The following ATRNL1 variants were observed in gnomAD, a reference collection of about 807,000 sequenced individuals.
ATRNL1 encodes attractin like 1.
ATRNL1 carries 95 observed loss-of-function variants against 182.7 expected under a neutral mutation model. That is an observed-to-expected ratio of 0.52 (90% CI 0.44 to 0.62). ATRNL1 has a LOEUF of 0.62. Among genes scored for constraint, ATRNL1 ranks in the 20% least tolerant of loss-of-function variants. ATRNL1 has a pLI of 0.00. For synonymous variants in ATRNL1, 576 were observed against 568.3 expected (o/e 1.01, Z -0.19); for missense variants, 1,471 against 1,679.5 (o/e 0.88, Z 2.17).
intron 5 of ATRNL1, among the ~76,000 whole-genome samples, chr10:115,132,316 A>AT (rs1845285233): frequency 1.3e-5 from 2 of 152,084 alleles, no homozygotes; most frequent in Non-Finnish European, 2.9e-5. Context: ...ACATTTTCTT[A>AT]ATCCAGTCTA....
At chr10:115,613,167 T>C (rs1857252968) in intron 26 of ATRNL1, among the ~76,000 whole-genome samples, 1 of 152,236 alleles carries the variant, frequency 6.6e-6, no homozygotes, top group Non-Finnish European at 1.5e-5. Flanking sequence ...GTGTTGGCTA[T>C]CATTTTAACA....
intron 27 of ATRNL1, among the ~76,000 whole-genome samples, chr10:115,802,056 A>C (rs1949810282): frequency 6.7e-6 from 1 of 149,728 alleles, no homozygotes; most frequent in African/African-American, 2.5e-5. Context: ...AAAACAAAAA[A>C]AAACAGAATT....
At chr10:115,147,459 C>T (rs1163522192) in intron 5 of ATRNL1, among the ~76,000 whole-genome samples, 3 of 152,086 alleles carry the variant, frequency 2.0e-5, no homozygotes, top group African/African-American at 7.2e-5. Flanking sequence ...TGTGCAGAAG[C>T]TTTTTAGTTG....
intron 1 of ATRNL1, among the ~76,000 whole-genome samples, chr10:115,106,672 G>A (rs978621507): frequency 2.0e-5 from 3 of 152,124 alleles, no homozygotes; most frequent in Non-Finnish European, 4.4e-5. Context: ...GGGTTTATCA[G>A]GTGTTTCTGC....
chr10:115,869,199 G>A (rs4430419), intron 28 of ATRNL1, among the ~76,000 whole-genome samples: 29,859 of 152,062 alleles, frequency 0.2, 2,922 homozygotes, highest in South Asian at 0.28. Flanking sequence ...CACACAACGT[G>A]TTTCACAACC....
intron 25 of ATRNL1, among the ~76,000 whole-genome samples, chr10:115,526,518 A>G (rs1159978264): frequency 1.3e-5 from 2 of 152,096 alleles, no homozygotes; most frequent in Non-Finnish European, 2.9e-5. Context: ...ACCTTCAAGT[A>G]TTTTCTCTAT....
intron 27 of ATRNL1, among the ~76,000 whole-genome samples, chr10:115,815,343 T>C (rs1478917752): frequency 6.6e-6 from 1 of 151,864 alleles, no homozygotes; most frequent in Non-Finnish European, 1.5e-5. Flanking sequence ...TTATTTAAAG[T>C]ACCTAAAACG....
intron 21 of ATRNL1, among the ~76,000 whole-genome samples, chr10:115,452,297 A>T (rs1418570849): frequency 6.6e-6 from 1 of 152,128 alleles, no homozygotes; most frequent in Non-Finnish European, 1.5e-5. Flanking sequence ...TTTCAACTTT[A>T]TTAATTTTTT....
At chr10:115,272,015 G>A (rs1161588977) in intron 13 of ATRNL1, among the ~76,000 whole-genome samples, 1 of 152,094 alleles carries the variant, frequency 6.6e-6, no homozygotes, top group Admixed American at 6.6e-5. Flanking sequence ...AAAAGTATGT[G>A]GCAACTCCAC....
chr10:115,848,650 G>A (rs1402759092), intron 28 of ATRNL1, among the ~76,000 whole-genome samples: 2 of 152,174 alleles, frequency 1.3e-5, no homozygotes, highest in South Asian at 2.1e-4. Context: ...TGCTCATTGC[G>A]ATGGTGTTGT....
chr10:115,265,161 C>A (rs1397141671), intron 10 of ATRNL1, 32 bp from the exon 11 acceptor site: 1 of 1,354,800 alleles, frequency 7.4e-7, no homozygotes, highest in Non-Finnish European at 1.0e-6. Flanking sequence ...TCTTTTATTT[C>A]ATTTTTTGTT....
chr10:115,286,844 C>T (rs1852640702), intron 15 of ATRNL1, among the ~76,000 whole-genome samples: 1 of 151,862 alleles, frequency 6.6e-6, no homozygotes. Flanking sequence ...CATGTACATA[C>T]TTTTTTTCTT....
chr10:115,564,925 TA>T (rs558978533), intron 26 of ATRNL1, among the ~76,000 whole-genome samples: 3 of 151,998 alleles, frequency 2.0e-5, no homozygotes, highest in Non-Finnish European at 2.9e-5. Flanking sequence ...TTTTGCAACA[TA>T]AAAAATAATA....
At chr10:115,239,127 A>G (rs915218531) in intron 9 of ATRNL1, among the ~76,000 whole-genome samples, 38 of 152,260 alleles carry the variant, frequency 2.5e-4, no homozygotes, top group African/African-American at 8.9e-4. Context: ...TTGCTCTACT[A>G]GAGAATATTT....
rs369737435 is a variant in ATRNL1, at chr10:115,603,175, T to G, written c.3795+53639T>G. 1.7e-4 allele frequency among the ~76,000 whole-genome samples: 26 copies of G among 152,154 alleles called. No individual in the cohort carries two copies. The East Asian group carries it at 2.3e-3, about 14-fold the overall frequency. On this transcript the variant is annotated intron_variant, in intron 26 of 28. Coordinates refer to ENST00000355044, the MANE Select transcript of ATRNL1 (RefSeq NM_207303.4). Reference sequence around the variant, plus strand: ...TCATAGGCATAATGAATTAACTCAATCTCCAGCCCTGTTCCCCTCCCTGGA... The same window carrying G: ...TCATAGGCATAATGAATTAACTCAAGCTCCAGCCCTGTTCCCCTCCCTGGA...
intron 1 of ATRNL1, among the ~76,000 whole-genome samples, chr10:115,097,663 C>T (rs1162431060): frequency 6.6e-5 from 10 of 152,056 alleles, no homozygotes; most frequent in African/African-American, 2.2e-4. Flanking sequence ...TGGTGTCTCA[C>T]GCCTGTAATC....
intron 15 of ATRNL1, among the ~76,000 whole-genome samples, chr10:115,296,489 A>G (rs1336483039): frequency 6.6e-6 from 1 of 152,220 alleles, no homozygotes; most frequent in Admixed American, 6.5e-5. Context: ...GTGATGAAAT[A>G]TATTAATATT....
chr10:115,890,370 C>T (rs535463063), intron 28 of ATRNL1, among the ~76,000 whole-genome samples: 9 of 152,146 alleles, frequency 5.9e-5, no homozygotes, highest in African/African-American at 2.2e-4. Context: ...TTTGACTGAG[C>T]ACTTTGTAGT....
chr10:115,160,984 A>T (rs1846757806), intron 6 of ATRNL1, among the ~76,000 whole-genome samples: 1 of 151,946 alleles, frequency 6.6e-6, no homozygotes, highest in South Asian at 2.1e-4. Context: ...ATACCCAGTT[A>T]AACTTGAATT....
Sources: gnomAD v4.1 joint callset for allele counts (sites outside exome capture counted in the v4.1 genomes callset) on GRCh38, gnomAD v4.1.1 for gene constraint, MANE v1.5 for transcripts, NCBI Gene and HGNC (gene_info 2026-07-23, HGNC 2026-07-21) for gene names.